Variants in DCAF8L2 observed in about 807,000 individuals in gnomAD.
DCAF8L2 encodes DDB1- and CUL4-associated factor 8-like protein 2.
For synonymous variants in DCAF8L2, 200 were observed against 190.9 expected (o/e 1.05, Z -0.39); for missense variants, 430 against 490.7 (o/e 0.88, Z 1.17).
At chrX:27,564,858 A>AT in the DCAF8L2 span, among the ~76,000 whole-genome samples, 2 of 109,387 alleles carry the variant, frequency 1.8e-5, no homozygotes, top group Non-Finnish European at 3.8e-5. Flanking sequence ...TTTAAAAAAA[A>AT]ATTTTTTGTA....
At chrX:27,700,317 A>G (rs1438154156) in intron 3 of DCAF8L2, among the ~76,000 whole-genome samples, 2 of 110,863 alleles carry the variant, frequency 1.8e-5, no homozygotes, top group Non-Finnish European at 3.8e-5. Context: ...GGAGGAATGA[A>G]AATTAAAGCA....
At chrX:27,549,598 A>G in the DCAF8L2 span, among the ~76,000 whole-genome samples, 3 of 107,484 alleles carry the variant, frequency 2.8e-5, no homozygotes, top group African/African-American at 6.7e-5. Context: ...ACCTTAATGA[A>G]TAAGAGAATG....
chrX:27,528,652 A>G, the DCAF8L2 span, among the ~76,000 whole-genome samples: 72 of 110,129 alleles, frequency 6.5e-4, no homozygotes, highest in South Asian at 1.2e-3. Context: ...ATAAACAAGT[A>G]TTATTCTTTA....
chrX:27,633,626 A>G (rs1016042907), intron 2 of DCAF8L2: 1 of 111,722 alleles, frequency 9.0e-6, no homozygotes, highest in African/African-American at 3.3e-5. Context: ...CAGACATAAT[A>G]TTCTCATAAT....
intron 3 of DCAF8L2, among the ~76,000 whole-genome samples, chrX:27,679,375 T>G (rs1288772036): frequency 9.0e-6 from 1 of 111,376 alleles, no homozygotes; most frequent in Non-Finnish European, 1.9e-5. Context: ...CAGATGTGGT[T>G]TGAAGAAGGG....
intron 2 of DCAF8L2, among the ~76,000 whole-genome samples, chrX:27,660,242 A>C (rs962494944): frequency 5.4e-5 from 6 of 111,166 alleles, no homozygotes; most frequent in African/African-American, 2.0e-4. Context: ...CAGACTGGTC[A>C]TGAACTCCTG....
intron 1 of DCAF8L2, among the ~76,000 whole-genome samples, chrX:27,624,454 A>G (rs2147160484): frequency 9.0e-6 from 1 of 110,831 alleles, no homozygotes; most frequent in South Asian, 3.8e-4. Context: ...TACCGAGTAA[A>G]TGCTATTGCT....
At chrX:27,530,740 A>C in the DCAF8L2 span, among the ~76,000 whole-genome samples, 2 of 112,052 alleles carry the variant, frequency 1.8e-5, no homozygotes, top group Non-Finnish European at 3.8e-5. Context: ...ACATTGTAGA[A>C]TTACACTCAC....
intron 1 of DCAF8L2, among the ~76,000 whole-genome samples, chrX:27,608,291 G>A (rs1927000352): frequency 9.0e-6 from 1 of 111,415 alleles, no homozygotes; most frequent in Non-Finnish European, 1.9e-5. Flanking sequence ...CATTTACTTA[G>A]ATATAAAAAT....
At chrX:27,564,505 TTCTC>T in the DCAF8L2 span, among the ~76,000 whole-genome samples, 29 of 97,660 alleles carry the variant, frequency 3.0e-4, no homozygotes, top group South Asian at 1.1e-3. Flanking sequence ...CGTGCTCTCT[TTCTC>T]TCTTACACAC....
chrX:27,580,960 T>A, the DCAF8L2 span, among the ~76,000 whole-genome samples: 1 of 110,360 alleles, frequency 9.1e-6, no homozygotes, highest in Non-Finnish European at 1.9e-5. Flanking sequence ...TGAAATTAAT[T>A]TTTTTATCAA....
chrX:27,488,822 A>AT, the DCAF8L2 span, among the ~76,000 whole-genome samples: 246 of 104,045 alleles, frequency 2.4e-3, 1 homozygote, highest in East Asian at 0.014. Context: ...TGTCCCACTA[A>AT]TTTTTTTTTT....
At chrX:27,677,447 G>C (rs1229386121) in intron 2 of DCAF8L2, among the ~76,000 whole-genome samples, 1 of 111,964 alleles carries the variant, frequency 8.9e-6, no homozygotes, top group African/African-American at 3.2e-5. Flanking sequence ...AGTTTCACCT[G>C]ATCTTAGAAG....
chrX:27,472,762 T>G, the DCAF8L2 span, among the ~76,000 whole-genome samples: 12 of 112,224 alleles, frequency 1.1e-4, no homozygotes, highest in Non-Finnish European at 2.3e-4. Context: ...ATTATGTATA[T>G]GTACCACATT....
the DCAF8L2 span, among the ~76,000 whole-genome samples, chrX:27,516,082 T>C: frequency 8.9e-6 from 1 of 112,169 alleles, no homozygotes; most frequent in East Asian, 2.8e-4. Flanking sequence ...TTTAATAAAA[T>C]GGCAATTTTA....
chrX:27,638,929 G>A (rs139228676), intron 2 of DCAF8L2, among the ~76,000 whole-genome samples: 1,175 of 111,587 alleles, frequency 0.011, 18 homozygotes, highest in African/African-American at 0.036. Flanking sequence ...CCCAGGTGCT[G>A]CTAATGGTGG....
chrX:27,722,638 G>T (rs1267324233), intron 4 of DCAF8L2, among the ~76,000 whole-genome samples: 1 of 110,772 alleles, frequency 9.0e-6, no homozygotes, highest in African/African-American at 3.3e-5. Context: ...GTAAGTTGAG[G>T]ATTGTCTGTG....
At chrX:27,608,430 AATAAT>A (rs1018746990) in intron 1 of DCAF8L2, among the ~76,000 whole-genome samples, 3 of 111,929 alleles carry the variant, frequency 2.7e-5, no homozygotes, top group African/African-American at 9.7e-5. Flanking sequence ...TATACTGGTA[AATAAT>A]ATAATCTGGT....
chrX:27,641,928 G>T (rs886741631), intron 2 of DCAF8L2, among the ~76,000 whole-genome samples: 3 of 108,759 alleles, frequency 2.8e-5, no homozygotes, highest in African/African-American at 1.0e-4. Context: ...TCGCTCTGTC[G>T]CCCGTGCTGG....
Sources: allele counts gnomAD v4.1 joint callset (sites outside exome capture counted in the v4.1 genomes callset), GRCh38; gene constraint gnomAD v4.1.1; transcripts MANE v1.5; gene names NCBI Gene and HGNC (gene_info 2026-07-23, HGNC 2026-07-21).